The following GYS2 variants were observed in gnomAD, a reference collection of about 807,000 sequenced individuals.
The protein encoded by GYS2 is glycogen [starch] synthase, liver.
Under a neutral mutation model 85.6 loss-of-function variants are expected in GYS2, and 80 were observed. The observed-to-expected ratio is 0.93, with a 90% CI of 0.78 to 1.13. The LOEUF (loss-of-function observed/expected upper bound fraction) is 1.13, where lower values mean the gene tolerates loss of function less well. Ranked by LOEUF, GYS2 falls within the 50% of genes most tolerant of loss-of-function variation. The pLI is 0.00. For synonymous variants in GYS2, 328 were observed against 300.7 expected, an observed-to-expected ratio of 1.09 and a Z score of -0.94; for missense variants, 881 against 854.9, an observed-to-expected ratio of 1.03 and a Z score of -0.38.
chr12:21,574,098 A>T (rs746746871), intron 4 of GYS2, 46 bp downstream of exon 4: 15 of 1,428,430 alleles, frequency 1.1e-5, no homozygotes, highest in Non-Finnish European at 1.5e-5. Context: ...AGCTTCAGCA[A>T]TCTGAAAGAA....
chr12:21,600,184 A>G (rs531319491), intron 1 of GYS2, among the ~76,000 whole-genome samples: 6 of 152,226 alleles, frequency 3.9e-5, no homozygotes, highest in East Asian at 1.9e-4. Flanking sequence ...CAATGGTGCA[A>G]TCTTGCTCAC....
At chr12:21,550,560 C>T (rs958486138) in intron 11 of GYS2, among the ~76,000 whole-genome samples, 1 of 152,154 alleles carries the variant, frequency 6.6e-6, no homozygotes, top group African/African-American at 2.4e-5. Flanking sequence ...ACAGCACCCT[C>T]CCTGTTCTAG....
In GYS2 at chr12:21,580,389, C is replaced by T. The variant is rs1401658816; in HGVS notation, c.256G>A (p.Asp86Asn). ...GCGTCCACTGCTCTTCTGACAGCATCATTTACAGGTTCACACTGTTCCACC... is the reference window on the plus strand; with the variant it reads ...GCGTCCACTGCTCTTCTGACAGCATTATTTACAGGTTCACACTGTTCCACC... ...TQVEQCEPVN[D>N]AVRRAVDAMN... The change falls in exon 2 of 16, where the codon GAT becomes AAT. Residue 86 changes from aspartate (D) to asparagine (N), a missense_variant. Coordinates refer to ENST00000261195, the MANE Select transcript of GYS2 (RefSeq NM_021957.4). 23 of 1,613,828 alleles carry T rather than the reference C, an allele frequency of 1.4e-5. No homozygotes were observed. Among genetic ancestry groups the T allele is most frequent in the Non-Finnish European group, 1.9e-5 (23 of 1,179,898 alleles).
intron 2 of GYS2, among the ~76,000 whole-genome samples, chr12:21,579,253 T>C (rs1029608740): frequency 6.6e-6 from 1 of 152,200 alleles, no homozygotes; most frequent in African/African-American, 2.4e-5. Context: ...CTTACAGATA[T>C]TGAAGTCAGT....
rs894613215 is a variant in GYS2, at chr12:21,536,880, G to T, written c.*74C>A. 5.0e-6 allele frequency: 5 copies of T among 1,003,366 alleles called. No homozygotes were observed. The highest frequency in any genetic ancestry group is 2.5e-5 in the East Asian group (1 of 40,496). The allele number at this position is 1,003,366 out of a possible 1,614,324, so 62.2% of individuals were successfully genotyped here. On this transcript the variant is annotated 3_prime_UTR_variant, in exon 16 of 16. Transcript: ENST00000261195. ...TACTTAGAAGGAGAAAATGAAATTT[G>T]TGGCATTTTTATTTTAAATAATTAG...
chr12:21,563,170 C>G lies in GYS2; in HGVS notation c.941+58G>C, dbSNP rs1165615962. 4.1e-6 allele frequency: 5 copies of G among 1,212,328 alleles called. No homozygotes were observed. The African/African-American group carries it at 7.4e-5, about 18-fold the overall frequency. The allele number at this position is 1,212,328 out of a possible 1,614,324, so 75.1% of individuals were successfully genotyped here. A position where few individuals can be genotyped will look rare whatever the true frequency, so the allele number is the denominator to read the frequency against. On this transcript the variant is annotated intron_variant, in intron 6 of 15. Coordinates refer to ENST00000261195, the MANE Select transcript of GYS2 (RefSeq NM_021957.4). ...TTATTATTACAATTCTGTTTTCTCT[C>G]TACCAAAGATCACTCATATCTGATA...
At chr12:21,565,661 G>A (rs965279707) in intron 5 of GYS2, among the ~76,000 whole-genome samples, 17 of 150,642 alleles carry the variant, frequency 1.1e-4, no homozygotes, top group African/African-American at 4.1e-4. Context: ...ATAAATTAGT[G>A]TATATAAGTT....
chr12:21,537,845 A>C (rs1411038551), intron 15 of GYS2, among the ~76,000 whole-genome samples: 1 of 152,002 alleles, frequency 6.6e-6, no homozygotes, highest in Non-Finnish European at 1.5e-5. Flanking sequence ...CCACTAAAGA[A>C]ACCAGATGAA....
At chr12:21,544,064 T>A (rs1944010296) in intron 12 of GYS2, among the ~76,000 whole-genome samples, 1 of 152,244 alleles carries the variant, frequency 6.6e-6, no homozygotes. Context: ...TATATTTATT[T>A]GGCTCTCTGA....
chr12:21,537,938 T>G (rs530666208), intron 15 of GYS2, among the ~76,000 whole-genome samples: 1 of 152,354 alleles, frequency 6.6e-6, no homozygotes, highest in South Asian at 2.1e-4. Flanking sequence ...GTATTTCAAT[T>G]ACTTTATACA....
At position 21,559,161 on chromosome 12, in the gene GYS2, A is replaced by G; in HGVS notation, c.1238T>C (p.Ile413Thr). The G allele has an allele frequency of 6.2e-7, 1 of 1,600,666 alleles. No homozygotes were observed. The highest frequency in any genetic ancestry group is 8.6e-7 in the Non-Finnish European group (1 of 1,168,666). Residue 413 changes from isoleucine to threonine, a missense_variant, in exon 10 of 16, where the codon ATT (isoleucine) becomes ACT (threonine). Coordinates refer to ENST00000261195, the MANE Select transcript of GYS2 (RefSeq NM_021957.4). ...KLYDALLRGE[I>T]PDLNDILDRD... Reference sequence around the variant, plus strand: ...ATCTAAAATATCGTTCAGGTCAGGAATTTCTCCTCTGCAGGGAAAAAATGT... The same window carrying G: ...ATCTAAAATATCGTTCAGGTCAGGAGTTTCTCCTCTGCAGGGAAAAAATGT...
chr12:21,537,463 A>C (rs1943923667), intron 15 of GYS2: 1 of 406,620 alleles, frequency 2.5e-6, no homozygotes, highest in Non-Finnish European at 4.5e-6. Context: ...TTCAGTACAG[A>C]AGAAAATGGA....
chr12:21,582,270 A>G (rs957893660), intron 1 of GYS2, among the ~76,000 whole-genome samples: 4 of 152,156 alleles, frequency 2.6e-5, no homozygotes, highest in African/African-American at 9.7e-5. Flanking sequence ...GGAGATTAAT[A>G]TTTCAGTCAG....
intron 5 of GYS2, among the ~76,000 whole-genome samples, chr12:21,566,922 C>G (rs1278805808): frequency 6.6e-6 from 1 of 151,838 alleles, no homozygotes; most frequent in Admixed American, 6.6e-5. Context: ...AAAGCAGGAC[C>G]TAGAATAGAA....
chr12:21,583,779 G>A (rs1030635353), intron 1 of GYS2, among the ~76,000 whole-genome samples: 1 of 152,176 alleles, frequency 6.6e-6, no homozygotes, highest in African/African-American at 2.4e-5. Context: ...CATGAACTGG[G>A]TGCTTTCTGA....
chr12:21,555,916 C>A (rs984914382), intron 11 of GYS2, among the ~76,000 whole-genome samples: 3 of 152,166 alleles, frequency 2.0e-5, no homozygotes, highest in African/African-American at 7.2e-5. Flanking sequence ...TGGCCTAGGG[C>A]CATCTATGTG....
chr12:21,574,601 GA>G (rs1158021411), intron 3 of GYS2, among the ~76,000 whole-genome samples: 1 of 151,784 alleles, frequency 6.6e-6, no homozygotes, highest in Admixed American at 6.6e-5. Flanking sequence ...AACAGGTAAT[GA>G]ATATTAATAA....
At chr12:21,542,732 G>T (rs1045310624) in intron 12 of GYS2, 141 bp from the exon 13 acceptor site, 1 of 696,368 alleles carries the variant, frequency 1.4e-6, no homozygotes. Flanking sequence ...CTCTTTACAT[G>T]TCTCACTAAC....
intron 4 of GYS2, among the ~76,000 whole-genome samples, chr12:21,571,738 G>A (rs1380423539): frequency 2.6e-5 from 4 of 152,210 alleles, no homozygotes; most frequent in East Asian, 3.9e-4. Context: ...TGAGGCGGGC[G>A]GATGACGAGC....
Sources: gnomAD v4.1 joint callset for allele counts (sites outside exome capture counted in the v4.1 genomes callset) on GRCh38, gnomAD v4.1.1 for gene constraint, MANE v1.5 for transcripts, NCBI Gene and HGNC (gene_info 2026-07-23, HGNC 2026-07-21) for gene names.